Variants in WNK1 observed in about 807,000 individuals in gnomAD.
WNK1 encodes the protein serine/threonine-protein kinase WNK1.
Under a neutral mutation model 222.8 loss-of-function variants are expected in WNK1, and 38 were observed. The observed-to-expected ratio is 0.17, with a 90% CI of 0.13 to 0.22. The LOEUF (loss-of-function observed/expected upper bound fraction) is 0.22. Among genes scored for constraint, WNK1 ranks in the 10% least tolerant of loss-of-function variants. The probability of loss-of-function intolerance (pLI) is 1.00; values close to 1 mark genes in which losing one functional copy is unlikely to be tolerated. For missense variants in WNK1, 2,348 were observed against 2,918.4 expected (o/e 0.80, Z 4.50); for synonymous variants, 1,090 against 1,092.9 (o/e 1.00, Z 0.05).
intron 8 of WNK1, among the ~76,000 whole-genome samples, chr12:864,824 G>T (rs985154314): frequency 2.6e-5 from 4 of 152,212 alleles, no homozygotes; most frequent in African/African-American, 7.2e-5. Context: ...TCATACACTT[G>T]TAACACTTGG....
At position 842,827 on chromosome 12, in the gene WNK1, T is replaced by C. The variant is rs141661982; in HGVS notation, c.1311+12667T>C. ...ATTGAACATAAGAACTTGGCAACAT[T>C]GTATAATATTGCAGAGGCCTTGGTG... On this transcript the variant is annotated intron_variant, in intron 4 of 27. Transcript: ENST00000315939. Among the ~76,000 whole-genome samples, 19 of 152,298 alleles carry C rather than the reference T, an allele frequency of 1.2e-4. No individual in the cohort carries two copies. The East Asian group carries it at 3.5e-3, about 28-fold the overall frequency.
At chr12:822,087 CTTTTTTTTTTT>C (rs376271992) in intron 2 of WNK1, among the ~76,000 whole-genome samples, 2 of 71,430 alleles carry the variant, frequency 2.8e-5, no homozygotes, top group Non-Finnish European at 5.0e-5. Flanking sequence ...TGTCTTATAC[CTTTTTTTTTTT>C]TTTTTTTTTT....
intron 1 of WNK1, among the ~76,000 whole-genome samples, chr12:785,406 C>T: frequency 1.0e-4 from 1 of 9,946 alleles, no homozygotes; most frequent in East Asian, 5.7e-3. Context: ...TCTCCCCCCC[C>T]CCCACCCCCT....
At chr12:878,892 T>G (rs1017009271) in intron 10 of WNK1, among the ~76,000 whole-genome samples, 2 of 152,054 alleles carry the variant, frequency 1.3e-5, no homozygotes, top group Non-Finnish European at 2.9e-5. Flanking sequence ...CTGTTGTGCA[T>G]GTATGTGCAC....
At position 865,096 on chromosome 12, in the gene WNK1, T is replaced by C. The variant is rs1283244047; in HGVS notation, c.2139+2826T>C. 58 of 1,497,808 alleles carry C rather than the reference T, an allele frequency of 3.9e-5. No individual in the cohort carries two copies. In the East Asian group the frequency reaches 9.1e-4, roughly 24 times the overall value. The allele number at this position is 1,497,808 out of a possible 1,614,324, so 92.8% of individuals were successfully genotyped here. On this transcript the variant is annotated intron_variant, in intron 8 of 27. Transcript: ENST00000315939. ...GTACTGTGTTTTTCATGTGTGTGTT[T>C]GTTTTGTGTTGAGCCTCGTCGTGGC...
Position 884,994 on chromosome 12 carries a change from G to T in WNK1, c.4190G>T (p.Gly1397Val). The T allele has an allele frequency of 1.2e-6, 2 of 1,614,160 alleles. No homozygotes were observed. The highest frequency in any genetic ancestry group is 1.3e-5 in the African/African-American group (1 of 75,014). The change falls in exon 19 of 28, where the codon GGT becomes GTT. Residue 1397 changes from glycine (G) to valine (V), a missense_variant. Gly to Val is a moderately radical substitution (Grantham distance 109). Transcript: ENST00000315939. This position sits in a 1 kb window ranked among gnomAD's most constrained non-coding sequence, Gnocchi z 5.6. ...ATSTGVVTSG[G>V]LPIPPVSESP... ...AGCACAGGTGTGGTAACTTCAGGTG[G>T]TCTCCCCATACCACCTGTGTCTGAA...
rs1051605184 is a variant in WNK1, at chr12:892,601, AG to A, written c.5510-1956del. On this transcript the variant is annotated intron_variant, in intron 22 of 27. Transcript: ENST00000315939. ...CTGGGGAAATATATATATTTGTGGG[AG>A]GGGGAGGGGTATGTGTAGTCATATC... 1.2e-4 allele frequency among the ~76,000 whole-genome samples: 18 copies of A among 152,040 alleles called. 1 individual carries two copies. The highest frequency in any genetic ancestry group is 4.1e-4 in the African/African-American group (17 of 41,390).
intron 1 of WNK1, among the ~76,000 whole-genome samples, chr12:772,824 C>G (rs1055393918): frequency 6.6e-6 from 1 of 152,056 alleles, no homozygotes; most frequent in Admixed American, 6.5e-5. Flanking sequence ...AGTCTTTGTT[C>G]AGAGATTTGC....
chr12:814,079 C>T lies in WNK1; in HGVS notation c.932+265C>T, dbSNP rs140929467. ...CTGTAATCCCAGCACTTTGGGAGGC[C>T]GGGGCAGGCGGATCACCTGAGGTTG... is the stretch of plus-strand genomic sequence containing the variant. On this transcript the variant is annotated intron_variant, in intron 2 of 27. Transcript: ENST00000315939. Among the ~76,000 whole-genome samples, 74 of 151,504 alleles carry T rather than the reference C, an allele frequency of 4.9e-4. 1 individual carries two copies. The highest frequency in any genetic ancestry group is 3.4e-3 in the Middle Eastern group (1 of 292).
intron 4 of WNK1, among the ~76,000 whole-genome samples, chr12:856,342 T>C (rs571144087): frequency 6.6e-6 from 1 of 151,572 alleles, no homozygotes; most frequent in African/African-American, 2.4e-5. Context: ...TATTCCCGGC[T>C]ACTCAGGAGG....
intron 1 of WNK1, among the ~76,000 whole-genome samples, chr12:811,184 A>G (rs2091112945): frequency 6.6e-6 from 1 of 152,168 alleles, no homozygotes; most frequent in Non-Finnish European, 1.5e-5. Context: ...CTACTTTTTG[A>G]TACGGTCTTT....
intron 1 of WNK1, among the ~76,000 whole-genome samples, chr12:812,502 G>A (rs2154008331): frequency 6.6e-6 from 1 of 152,286 alleles, no homozygotes; most frequent in South Asian, 2.1e-4. Flanking sequence ...AATGTTGCCT[G>A]TGATTAAGTG....
chr12:845,354 C>A (rs532656406), intron 4 of WNK1, among the ~76,000 whole-genome samples: 297 of 152,304 alleles, frequency 2.0e-3, no homozygotes, highest in African/African-American at 6.8e-3. Context: ...CTTCCTGATA[C>A]AAACACACCC....
intron 20 of WNK1, among the ~76,000 whole-genome samples, chr12:887,834 G>C (rs950168088): frequency 3.9e-5 from 6 of 152,044 alleles, no homozygotes; most frequent in Non-Finnish European, 5.9e-5. Flanking sequence ...TATGTGTGCT[G>C]TCTCTTTTAA....
chr12:793,910 A>G (rs1388452467), intron 1 of WNK1, among the ~76,000 whole-genome samples: 1 of 152,180 alleles, frequency 6.6e-6, no homozygotes, highest in African/African-American at 2.4e-5. Flanking sequence ...AAAAAAAGAA[A>G]ACTCCATTTC....
chr12:911,151 G>T lies in WNK1; in HGVS notation c.*2359G>T. 5.0e-6 allele frequency: 2 copies of T among 396,684 alleles called. No homozygotes were observed. Among genetic ancestry groups the T allele is most frequent in the Non-Finnish European group, 4.4e-6 (1 of 225,484 alleles). The allele number at this position is 396,684 out of a possible 1,614,324, so 24.6% of individuals were successfully genotyped here. ...TATGAAATAACAAGCCTAGAGGAATGAACTAGTGCTACTGAACTGTTTAAA... is the reference window on the plus strand; with the variant it reads ...TATGAAATAACAAGCCTAGAGGAATTAACTAGTGCTACTGAACTGTTTAAA... On this transcript the variant is annotated 3_prime_UTR_variant, in exon 28 of 28. Coordinates refer to ENST00000315939, the MANE Select transcript of WNK1 (RefSeq NM_018979.4).
In WNK1 at chr12:827,283, G is replaced by T; in HGVS notation, c.1153+21G>T. 3.1e-6 allele frequency: 5 copies of T among 1,599,078 alleles called. No homozygotes were observed. Among genetic ancestry groups the T allele is most frequent in the Non-Finnish European group, 4.3e-6 (5 of 1,166,450 alleles). ...GATAGGTATGTTTCAGGTGTACCTT[G>T]GAGCCTGACTGGCTTTCTCACATTC... On this transcript the variant is annotated intron_variant, in intron 3 of 27. Transcript: ENST00000315939. The surrounding 1 kb of genome is among the most constrained non-coding windows in gnomAD (Gnocchi z 4.6).
chr12:769,256 T>TGG (rs1942165032), intron 1 of WNK1, among the ~76,000 whole-genome samples: 1 of 152,110 alleles, frequency 6.6e-6, no homozygotes, highest in Non-Finnish European at 1.5e-5. Flanking sequence ...TGGAGTGCAG[T>TGG]GGCACCATCT....
intron 1 of WNK1, among the ~76,000 whole-genome samples, chr12:768,373 TG>T (rs1942040460): frequency 1.3e-5 from 2 of 152,174 alleles, no homozygotes; most frequent in African/African-American, 4.8e-5. Flanking sequence ...TGACTTCAAG[TG>T]ATCTGCCCGC....
Sources: allele counts gnomAD v4.1 joint callset (sites outside exome capture counted in the v4.1 genomes callset), GRCh38; gene constraint gnomAD v4.1.1; non-coding constraint Gnocchi (gnomAD v3.1); transcripts MANE v1.5; gene names NCBI Gene and HGNC (gene_info 2026-07-23, HGNC 2026-07-21).